Variants in SCAPER observed in about 807,000 individuals in gnomAD.
SCAPER encodes the protein S phase cyclin A-associated protein in the endoplasmic reticulum.
Under a neutral mutation model 182.2 loss-of-function variants are expected in SCAPER, and 98 were observed. That is an observed-to-expected ratio of 0.54 (90% CI 0.46 to 0.64). The LOEUF is 0.64. Among genes scored for constraint, SCAPER ranks in the 30% least tolerant of loss-of-function variants. The probability of loss-of-function intolerance (pLI) is 0.00; values close to 1 mark genes in which losing one functional copy is unlikely to be tolerated. For synonymous variants in SCAPER, 605 were observed against 564.6 expected, an observed-to-expected ratio of 1.07 and a Z score of -1.01; for missense variants, 1,432 against 1,690.0, an observed-to-expected ratio of 0.85 and a Z score of 2.68.
Position 76,839,831 on chromosome 15 carries a change from T to A in SCAPER, c.393+1903A>T, listed in dbSNP as rs186593791. ...CATGTCAGAGACAGGTGCAAGTTTC[T>A]GCTTATCACAAAAAGACGTCATTGC... is the stretch of plus-strand genomic sequence containing the variant. On this transcript the variant is annotated intron_variant, in intron 5 of 31. Coordinates refer to ENST00000563290, the MANE Select transcript of SCAPER (RefSeq NM_020843.4). 9.7e-4 allele frequency among the ~76,000 whole-genome samples: 147 copies of A among 152,326 alleles called. 3 individuals carry two copies. The highest frequency in any genetic ancestry group is 3.4e-3 in the Middle Eastern group (1 of 294).
chr15:76,557,035 AG>A (rs1015055346), intron 23 of SCAPER, among the ~76,000 whole-genome samples: 12 of 152,194 alleles, frequency 7.9e-5, no homozygotes, highest in Admixed American at 7.9e-4. Context: ...TAAAGAATCT[AG>A]GAATGTAGTT....
At chr15:76,893,503 G>A (rs1419560773) in intron 1 of SCAPER, among the ~76,000 whole-genome samples, 1 of 151,484 alleles carries the variant, frequency 6.6e-6, no homozygotes, top group Non-Finnish European at 1.5e-5. Context: ...ACAAGGGATA[G>A]ATCATCCAGA....
At chr15:76,365,645 A>C (rs1172780213) in intron 29 of SCAPER, among the ~76,000 whole-genome samples, 1 of 146,000 alleles carries the variant, frequency 6.8e-6, no homozygotes, top group Non-Finnish European at 1.5e-5. Context: ...AATTTGAGAA[A>C]CTACTTTATT....
At chr15:76,457,775 CTTTTAAAGTAAAA>C (rs563704595) in intron 25 of SCAPER, among the ~76,000 whole-genome samples, 4 of 152,066 alleles carry the variant, frequency 2.6e-5, no homozygotes, top group African/African-American at 4.8e-5. Context: ...TAAAATTTGA[CTTTTAAAGTAAAA>C]TTTTAAAGTA....
At chr15:76,588,802 G>C (rs965026714) in intron 22 of SCAPER, among the ~76,000 whole-genome samples, 1 of 152,058 alleles carries the variant, frequency 6.6e-6, no homozygotes. Context: ...TTTTTGGGGG[G>C]GGTGTTAAAG....
At chr15:76,874,644 A>G (rs2073018542) in intron 2 of SCAPER, among the ~76,000 whole-genome samples, 1 of 152,138 alleles carries the variant, frequency 6.6e-6, no homozygotes, top group African/African-American at 2.4e-5. Context: ...CAAAAAGATA[A>G]CAAAAGGATA....
At chr15:76,558,202 G>A (rs1438533319) in intron 23 of SCAPER, among the ~76,000 whole-genome samples, 2 of 152,046 alleles carry the variant, frequency 1.3e-5, no homozygotes, top group Admixed American at 6.6e-5. Flanking sequence ...TATGAACAGA[G>A]TAAAAAGACC....
chr15:76,472,081 T>A (rs1300846598), intron 24 of SCAPER: 4 of 339,714 alleles, frequency 1.2e-5, no homozygotes, highest in Non-Finnish European at 2.3e-5. Flanking sequence ...ATAGCATATG[T>A]CCTGCCGCAT....
intron 17 of SCAPER, 113 bp downstream of exon 17, chr15:76,728,482 A>C: frequency 7.3e-7 from 1 of 1,372,158 alleles, no homozygotes; most frequent in Non-Finnish European, 1.0e-6. Flanking sequence ...CAACCTGGGG[A>C]ACATCGCAAA....
chr15:76,406,185 G>GT (rs142766564), intron 26 of SCAPER, among the ~76,000 whole-genome samples: 2,357 of 152,222 alleles, frequency 0.015, 63 homozygotes, highest in African/African-American at 0.055. Context: ...TTTAGAAAGT[G>GT]TTTTGTCTGT....
intron 23 of SCAPER, among the ~76,000 whole-genome samples, chr15:76,572,564 G>T (rs1332628808): frequency 6.6e-6 from 1 of 152,138 alleles, no homozygotes; most frequent in African/African-American, 2.4e-5. Context: ...TTGCAAAGTT[G>T]GACACTGATA....
intron 5 of SCAPER, among the ~76,000 whole-genome samples, chr15:76,840,064 G>A (rs979116481): frequency 7.2e-5 from 11 of 151,996 alleles, no homozygotes; most frequent in East Asian, 1.9e-4. Flanking sequence ...GTCTTCTACC[G>A]CAACATACTG....
At chr15:76,351,376 G>T in intron 30 of SCAPER, 88 bp from the exon 31 acceptor site, 2 of 1,144,026 alleles carry the variant, frequency 1.7e-6, no homozygotes, top group Non-Finnish European at 2.5e-6. Flanking sequence ...TCTGATTCAT[G>T]CAACCACTTT....
intron 1 of SCAPER, among the ~76,000 whole-genome samples, chr15:76,896,842 A>G (rs1008598495): frequency 6.6e-6 from 1 of 152,208 alleles, no homozygotes; most frequent in Non-Finnish European, 1.5e-5. Context: ...GCTCCTTGGG[A>G]GGCTAAGGAG....
intron 29 of SCAPER, among the ~76,000 whole-genome samples, chr15:76,368,298 A>G (rs909141568): frequency 7.9e-5 from 12 of 152,250 alleles, no homozygotes; most frequent in African/African-American, 2.4e-4. Context: ...GCCAACTCTA[A>G]AAGTTCTAAA....
chr15:76,406,481 A>T (rs2044841439), intron 26 of SCAPER, among the ~76,000 whole-genome samples: 1 of 151,220 alleles, frequency 6.6e-6, no homozygotes, highest in Admixed American at 6.6e-5. Flanking sequence ...CCATCTCAAG[A>T]AAAAAAAATC....
intron 20 of SCAPER, among the ~76,000 whole-genome samples, chr15:76,673,978 C>T (rs1416341086): frequency 6.6e-6 from 1 of 151,488 alleles, no homozygotes; most frequent in Non-Finnish European, 1.5e-5. Context: ...CACACACACA[C>T]ACACACACAC....
chr15:76,742,466 TAAAAAAAAAAAA>T (rs55751202), intron 15 of SCAPER, among the ~76,000 whole-genome samples: 672 of 37,126 alleles, frequency 0.018, 18 homozygotes, highest in African/African-American at 0.064. Flanking sequence ...TGTCTTTTCC[TAAAAAAAAAAAA>T]AAAAAAAAAA....
At chr15:76,871,572 C>CTTTTT (rs1178328861) in intron 2 of SCAPER, among the ~76,000 whole-genome samples, 2 of 123,194 alleles carry the variant, frequency 1.6e-5, no homozygotes, top group Non-Finnish European at 3.4e-5. Context: ...TTACAATTTG[C>CTTTTT]TTTTTTTTTT....
Sources: allele counts gnomAD v4.1 joint callset (sites outside exome capture counted in the v4.1 genomes callset), GRCh38; gene constraint gnomAD v4.1.1; transcripts MANE v1.5; gene names NCBI Gene and HGNC (gene_info 2026-07-23, HGNC 2026-07-21).